Variants in MCF2L2 observed in about 807,000 individuals in gnomAD.
MCF2L2 encodes the protein MCF.2 cell line derived transforming sequence-like 2, also known as probable guanine nucleotide exchange factor MCF2L2.
A neutral mutation model predicts 150.2 loss-of-function variants in MCF2L2; 102 were observed. That is an observed-to-expected ratio of 0.68 (90% CI 0.58 to 0.80). MCF2L2 has a LOEUF of 0.80. MCF2L2 is among the 30% of genes least tolerant of loss of function. The probability of loss-of-function intolerance (pLI) is 0.00; values close to 1 mark genes in which losing one functional copy is unlikely to be tolerated. For synonymous variants in MCF2L2, 465 were observed against 491.3 expected, an observed-to-expected ratio of 0.95 and a Z score of 0.71; for missense variants, 1,256 against 1,372.8, an observed-to-expected ratio of 0.91 and a Z score of 1.34.
At chr3:183,386,720 T>C (rs774585150) in intron 2 of MCF2L2, among the ~76,000 whole-genome samples, 8 of 152,220 alleles carry the variant, frequency 5.3e-5, no homozygotes, top group Non-Finnish European at 8.8e-5. Context: ...ACCACAGCCA[T>C]GGGAAAAGAC....
At chr3:183,208,635 G>A (rs1436523523) in intron 22 of MCF2L2, among the ~76,000 whole-genome samples, 3 of 152,186 alleles carry the variant, frequency 2.0e-5, no homozygotes, top group Admixed American at 6.5e-5. Flanking sequence ...TCAAAACTTC[G>A]ATTGCTTAAA....
At chr3:183,425,470 C>A (rs1371393028) in intron 1 of MCF2L2, among the ~76,000 whole-genome samples, 1 of 152,168 alleles carries the variant, frequency 6.6e-6, no homozygotes, top group African/African-American at 2.4e-5. Flanking sequence ...TCCTCAGAAG[C>A]TACTTGATAA....
Position 183,295,536 on chromosome 3 carries a change from C to G in MCF2L2, c.1498-59G>C. The G allele has an allele frequency of 2.6e-6, 4 of 1,530,502 alleles. No homozygotes were observed. In the South Asian group the frequency reaches 3.4e-5, roughly 13 times the overall value. 94.8% of individuals were successfully genotyped at this position (1,530,502 alleles called of 1,614,324 possible). A position where few individuals can be genotyped will look rare whatever the true frequency, so the allele number is the denominator to read the frequency against. ...TCTCTCTGTATACAGCCTGAGGACA[C>G]GAAGCATTCCCTTTCTCCCACCTTC... On this transcript the variant is annotated intron_variant, in intron 12 of 29. Transcript: ENST00000328913.
chr3:183,268,151 G>A (rs1438106371), intron 15 of MCF2L2, among the ~76,000 whole-genome samples: 2 of 152,228 alleles, frequency 1.3e-5, no homozygotes, highest in Non-Finnish European at 2.9e-5. Context: ...GACTGCTGGT[G>A]TAAAGACCAG....
At chr3:183,370,205 C>T (rs1312605476) in intron 3 of MCF2L2, among the ~76,000 whole-genome samples, 3 of 152,234 alleles carry the variant, frequency 2.0e-5, no homozygotes, top group Non-Finnish European at 2.9e-5. Context: ...TCCCATTTGT[C>T]GAGCTTTCCT....
rs749609869 is a variant in MCF2L2 at position 183,179,516 on chromosome 3, G to A, written c.3222-13C>T. ...GCTGCGGGTCGCCCTGCAATTCCGA[G>A]AAGAAAGTCAGAGACGCCGTGGCCC... is the stretch of plus-strand genomic sequence containing the variant. On this transcript the variant is annotated splice_polypyrimidine_tract_variant and intron_variant, in intron 29 of 29. Coordinates refer to ENST00000328913, the MANE Select transcript of MCF2L2 (RefSeq NM_015078.4). This position sits in a 1 kb window ranked among gnomAD's most constrained non-coding sequence, Gnocchi z 4.2. 1.9e-6 allele frequency: 3 copies of A among 1,610,542 alleles called. No individual in the cohort carries two copies. The highest frequency in any genetic ancestry group is 1.1e-5 in the South Asian group (1 of 90,898).
At chr3:183,203,465 T>C (rs1576918824) in intron 25 of MCF2L2, among the ~76,000 whole-genome samples, 1 of 152,170 alleles carries the variant, frequency 6.6e-6, no homozygotes, top group Non-Finnish European at 1.5e-5. Context: ...AGTGGCTGGC[T>C]CAATAGCAGA....
chr3:183,404,118 G>T (rs984128458), intron 1 of MCF2L2, among the ~76,000 whole-genome samples: 1 of 152,024 alleles, frequency 6.6e-6, no homozygotes, highest in Non-Finnish European at 1.5e-5. Context: ...CTTAAGAAAG[G>T]TTTAATAACT....
intron 3 of MCF2L2, among the ~76,000 whole-genome samples, chr3:183,350,030 CATATA>C (rs1731050509): frequency 6.6e-6 from 1 of 152,176 alleles, no homozygotes; most frequent in Admixed American, 6.5e-5. Flanking sequence ...CAGCTGCTGG[CATATA>C]TGGTCTCCCC....
intron 3 of MCF2L2, among the ~76,000 whole-genome samples, chr3:183,352,813 GTTATA>G (rs1187493556): frequency 1.3e-5 from 2 of 152,086 alleles, no homozygotes; most frequent in Non-Finnish European, 2.9e-5. Flanking sequence ...GAACTATTTG[GTTATA>G]TTAAAGTATA....
chr3:183,316,775 G>A (rs536230664), intron 7 of MCF2L2, among the ~76,000 whole-genome samples: 17 of 151,834 alleles, frequency 1.1e-4, no homozygotes, highest in African/African-American at 3.9e-4. Flanking sequence ...GCGAGATCTC[G>A]GCTCACTGCA....
chr3:183,338,783 T>C lies in MCF2L2; in HGVS notation c.486+17A>G, dbSNP rs769722278. 1.5e-5 allele frequency: 24 copies of C among 1,591,052 alleles called. No homozygotes were observed. In the East Asian group the frequency reaches 4.7e-4, roughly 31 times the overall value. The stretch of plus-strand genomic sequence containing the variant: ...GAAGCCCTAACCAAATGAGACAAGA[T>C]GAAAGGTCTTGCTTACCGGCACTTT... On this transcript the variant is annotated intron_variant, in intron 5 of 29. Coordinates refer to ENST00000328913, the MANE Select transcript of MCF2L2 (RefSeq NM_015078.4).
At chr3:183,298,384 A>G (rs2108494629) in intron 11 of MCF2L2, 1 of 152,348 alleles carries the variant, frequency 6.6e-6, no homozygotes, top group East Asian at 1.9e-4. Context: ...GCAACACGCC[A>G]AAGTGGTTGT....
At chr3:183,383,274 G>T (rs1461602570) in intron 2 of MCF2L2, among the ~76,000 whole-genome samples, 4 of 151,618 alleles carry the variant, frequency 2.6e-5, no homozygotes, top group Admixed American at 2.0e-4. Context: ...CACTCTTGTT[G>T]CCCAGGCTGG....
At chr3:183,191,030 C>T (rs1164396882) in intron 27 of MCF2L2, among the ~76,000 whole-genome samples, 1 of 152,090 alleles carries the variant, frequency 6.6e-6, no homozygotes, top group Admixed American at 6.5e-5. Flanking sequence ...GGATTACAGG[C>T]GTGTACCACC....
chr3:183,342,620 ATGTGTG>A (rs57683720), intron 3 of MCF2L2, among the ~76,000 whole-genome samples: 28,257 of 142,644 alleles, frequency 0.2, 3,252 homozygotes, highest in East Asian at 0.35. Context: ...TGAAGATTAA[ATGTGTG>A]TGTGTGTGTG....
Position 183,290,525 on chromosome 3 carries a change from ATTTC to A in MCF2L2, c.1676-1309_1676-1306del, listed in dbSNP as rs1190075201. ...GATTAATCCCAGGCAGGATTTGAGC[ATTTC>A]TTTCTTTCTTTCTTTTTTTTTTTGA... On this transcript the variant is annotated intron_variant, in intron 13 of 29. Coordinates refer to ENST00000328913, the MANE Select transcript of MCF2L2 (RefSeq NM_015078.4). Among the ~76,000 whole-genome samples, 687 of 151,164 alleles carry A rather than the reference ATTTC, an allele frequency of 4.5e-3. 5 individuals are homozygous for A. Among genetic ancestry groups the A allele is most frequent in the African/African-American group, 0.016 (652 of 41,080 alleles).
chr3:183,330,688 A>G (rs894091570), intron 5 of MCF2L2, among the ~76,000 whole-genome samples: 57 of 151,874 alleles, frequency 3.8e-4, no homozygotes, highest in African/African-American at 1.3e-3. Context: ...GTTTCCCCAC[A>G]TTTTTTTTCT....
rs764779606 is a variant in MCF2L2 at position 183,400,405 on chromosome 3, C to T, written c.77-10626G>A. 8.8e-6 allele frequency: 4 copies of T among 456,530 alleles called. No individual in the cohort carries two copies. In the East Asian group the frequency reaches 2.8e-4, roughly 32 times the overall value. 28.3% of individuals were successfully genotyped at this position (456,530 alleles called of 1,614,324 possible). A position where few individuals can be genotyped will look rare whatever the true frequency, so the allele number is the denominator to read the frequency against. ...CAACTTCCTACTAAACGGTGATAGG[C>T]CCTCATCTCTGCCTCTGTTATCCGC... On this transcript the variant is annotated intron_variant, in intron 1 of 29. Coordinates refer to ENST00000328913, the MANE Select transcript of MCF2L2 (RefSeq NM_015078.4).
Sources: gnomAD v4.1 joint callset for allele counts (sites outside exome capture counted in the v4.1 genomes callset) on GRCh38, gnomAD v4.1.1 for gene constraint, Gnocchi (gnomAD v3.1) non-coding constraint, MANE v1.5 for transcripts, NCBI Gene and HGNC (gene_info 2026-07-23, HGNC 2026-07-21) for gene names.